SLC9A8: variants seen among roughly 807,000 people sequenced by gnomAD.
SLC9A8 encodes the protein solute carrier family 9 member A8.
Under a neutral mutation model 66.6 loss-of-function variants are expected in SLC9A8, and 48 were observed. That is an observed-to-expected ratio of 0.72 (90% CI 0.57 to 0.92). SLC9A8 has a LOEUF of 0.92. Ranked by LOEUF, SLC9A8 falls within the 40% of genes least tolerant of loss-of-function variation. SLC9A8 has a pLI of 0.00. For missense variants in SLC9A8, 599 were observed against 747.3 expected (o/e 0.80, Z 2.31); for synonymous variants, 274 against 282.6 (o/e 0.97, Z 0.31).
intron 3 of SLC9A8, among the ~76,000 whole-genome samples, chr20:49,832,996 C>T (rs2087273998): frequency 6.6e-6 from 1 of 152,072 alleles, no homozygotes; most frequent in Non-Finnish European, 1.5e-5. Context: ...ACCTTCCCCT[C>T]CCGGGTCCAA....
intron 4 of SLC9A8, among the ~76,000 whole-genome samples, chr20:49,844,348 A>G (rs988829489): frequency 6.6e-6 from 1 of 152,142 alleles, no homozygotes; most frequent in Non-Finnish European, 1.5e-5. Context: ...TTTTTCCTGG[A>G]GGATTCCAAT....
In SLC9A8 at chr20:49,843,007, C is replaced by T. The variant is rs186348687; in HGVS notation, c.349-2029C>T. On this transcript the variant is annotated intron_variant, in intron 4 of 15. Transcript: ENST00000361573. ...GTGCCTTGTTCTGTCTCTTACAAGTCGATGTTTGCTGCCTTTGGCCTTCCC... is the reference window on the plus strand; with the variant it reads ...GTGCCTTGTTCTGTCTCTTACAAGTTGATGTTTGCTGCCTTTGGCCTTCCC... Among the ~76,000 whole-genome samples the T allele has an allele frequency of 3.7e-3, 562 of 152,222 alleles. 1 individual carries two copies. The highest frequency in any genetic ancestry group is 6.9e-3 in the Non-Finnish European group (470 of 68,014).
chr20:49,827,575 G>T (rs1431713097), intron 3 of SLC9A8, among the ~76,000 whole-genome samples: 1 of 149,382 alleles, frequency 6.7e-6, no homozygotes, highest in African/African-American at 2.5e-5. Flanking sequence ...CTGCATTCCA[G>T]CCTGGGCAAC....
At chr20:49,866,133 G>C (rs6020091) in intron 10 of SLC9A8, among the ~76,000 whole-genome samples, 65,375 of 152,052 alleles carry the variant, frequency 0.43, 14,944 homozygotes, top group African/African-American at 0.58. Flanking sequence ...TGCCTGTCCT[G>C]AGCCCTGGCA....
intron 10 of SLC9A8, among the ~76,000 whole-genome samples, chr20:49,869,298 C>T (rs1015221741): frequency 2.0e-5 from 3 of 152,140 alleles, no homozygotes; most frequent in East Asian, 1.9e-4. Flanking sequence ...CGGCTCACTG[C>T]GACCTCTGCC....
In SLC9A8 at chr20:49,873,866, C is replaced by T. The variant is rs138842483; in HGVS notation, c.959-839C>T. Among the ~76,000 whole-genome samples, 19 of 151,916 alleles carry T rather than the reference C, an allele frequency of 1.3e-4. No individual in the cohort carries two copies. The East Asian group carries it at 3.7e-3, about 29-fold the overall frequency. ...CCCCCAGAGTGGTTTGCTTGCCACC[C>T]TTATATAGTCATCCCTCAGCATCTG... On this transcript the variant is annotated intron_variant, in intron 10 of 15. Coordinates refer to ENST00000361573, the MANE Select transcript of SLC9A8 (RefSeq NM_015266.3).
Position 49,815,171 on chromosome 20 carries a change from T to G in SLC9A8, c.190T>G (p.Phe64Val). 6.4e-7 allele frequency: 1 copy of G among 1,565,368 alleles called. No homozygotes were observed. The highest frequency in any genetic ancestry group is 8.7e-7 in the Non-Finnish European group (1 of 1,153,906). The change falls in exon 2 of 16, where the codon TTC (phenylalanine) becomes GTC (valine). Residue 64 changes from phenylalanine (F) to valine (V), a missense_variant. By Grantham distance (50) the Phe-to-Val change is conservative. Coordinates refer to ENST00000361573, the MANE Select transcript of SLC9A8 (RefSeq NM_015266.3). ...GCAGTCCAGCGGCATGACCATTTTC[T>G]TCAGCCTCCTTGTCCTAGGTGAATA... is the stretch of plus-strand genomic sequence containing the variant. ...EEQSSGMTIF[F>V]SLLVLAICII...
chr20:49,826,077 G>C (rs1022232353), intron 3 of SLC9A8, among the ~76,000 whole-genome samples: 6 of 152,196 alleles, frequency 3.9e-5, no homozygotes, highest in African/African-American at 1.4e-4. Context: ...GCTAGGTCTT[G>C]GGAGAAGTGA....
At chr20:49,875,933 G>A (rs914014422) in intron 11 of SLC9A8, among the ~76,000 whole-genome samples, 1 of 152,088 alleles carries the variant, frequency 6.6e-6, no homozygotes, top group South Asian at 2.1e-4. Flanking sequence ...TAGAGACAGG[G>A]TTTCACCGTG....
At chr20:49,882,372 T>C (rs1373452736) in intron 13 of SLC9A8, among the ~76,000 whole-genome samples, 1 of 152,200 alleles carries the variant, frequency 6.6e-6, no homozygotes, top group Non-Finnish European at 1.5e-5. Context: ...TGCCCCTACC[T>C]TCTGGCGAGG....
rs542182143 is a variant in SLC9A8 at position 49,889,878 on chromosome 20, G to A, written c.*1942G>A. 1.3e-5 allele frequency: 2 copies of A among 152,304 alleles called. No individual in the cohort carries two copies. Among genetic ancestry groups the A allele is most frequent in the East Asian group, 3.9e-4 (2 of 5,188 alleles). The allele number at this position is 152,304 out of a possible 1,614,324, so 9.4% of individuals were successfully genotyped here. A position where few individuals can be genotyped will look rare whatever the true frequency, so the allele number is the denominator to read the frequency against. The stretch of plus-strand genomic sequence containing the variant: ...GTAAGTTGTTTTGCAAACTCAGTTT[G>A]CCAGGATTTCTTTCTTTCCTAATCT... On this transcript the variant is annotated 3_prime_UTR_variant, in exon 16 of 16. Coordinates refer to ENST00000361573, the MANE Select transcript of SLC9A8 (RefSeq NM_015266.3).
Position 49,825,082 on chromosome 20 carries a change from G to A in SLC9A8, c.289+1941G>A, listed in dbSNP as rs375233355. Among the ~76,000 whole-genome samples, 4 of 152,180 alleles carry A rather than the reference G, an allele frequency of 2.6e-5. No homozygotes were observed. The East Asian group carries it at 7.7e-4, about 29-fold the overall frequency. ...GACAAAAGCCAGAATGCTAAGGATT[G>A]CCGAGGGGACAGATGGGAATCCCAG... is the stretch of plus-strand genomic sequence containing the variant. On this transcript the variant is annotated intron_variant, in intron 3 of 15. Coordinates refer to ENST00000361573, the MANE Select transcript of SLC9A8 (RefSeq NM_015266.3).
At chr20:49,817,283 C>T (rs1017342234) in intron 2 of SLC9A8, among the ~76,000 whole-genome samples, 3 of 151,914 alleles carry the variant, frequency 2.0e-5, no homozygotes, top group African/African-American at 7.3e-5. Flanking sequence ...CGCCACTGCA[C>T]TCCAGCCTGA....
chr20:49,880,915 T>A lies in SLC9A8; in HGVS notation c.1159-9T>A. The A allele has an allele frequency of 3.8e-6, 6 of 1,587,394 alleles. No homozygotes were observed. Among genetic ancestry groups the A allele is most frequent in the Non-Finnish European group, 5.2e-6 (6 of 1,156,010 alleles). Reference sequence around the variant, plus strand: ...TTTCACCTAAGACTTAGTTTGTTGCTATCAACAGGTGCTTGTACTATTTGG... The same window carrying A: ...TTTCACCTAAGACTTAGTTTGTTGCAATCAACAGGTGCTTGTACTATTTGG... On this transcript the variant is annotated splice_polypyrimidine_tract_variant and intron_variant, in intron 12 of 15. Transcript: ENST00000361573.
intron 2 of SLC9A8, among the ~76,000 whole-genome samples, chr20:49,819,690 A>G (rs1254891423): frequency 1.3e-5 from 2 of 152,194 alleles, no homozygotes; most frequent in Non-Finnish European, 2.9e-5. Flanking sequence ...CATTAAAAGC[A>G]GTCATTCCCC....
At chr20:49,830,513 G>A (rs934774686) in intron 3 of SLC9A8, 64 of 723,924 alleles carry the variant, frequency 8.8e-5, no homozygotes, top group Non-Finnish European at 1.4e-4. Flanking sequence ...TGTCAACGGT[G>A]GACGCTGACA....
intron 14 of SLC9A8, among the ~76,000 whole-genome samples, chr20:49,884,859 T>G (rs1220990374): frequency 1.3e-5 from 2 of 152,238 alleles, no homozygotes; most frequent in Non-Finnish European, 2.9e-5. Context: ...CTAGGCCCTC[T>G]GACCGAAGCA....
At chr20:49,885,818 G>C (rs1414873352) in intron 14 of SLC9A8, among the ~76,000 whole-genome samples, 1 of 152,182 alleles carries the variant, frequency 6.6e-6, no homozygotes, top group Non-Finnish European at 1.5e-5. Context: ...TGTGGGCACA[G>C]ACTCCCGAGC....
intron 2 of SLC9A8, among the ~76,000 whole-genome samples, chr20:49,817,428 T>G (rs1367192409): frequency 1.3e-5 from 2 of 151,860 alleles, no homozygotes; most frequent in Non-Finnish European, 2.9e-5. Context: ...AGATTAGGTC[T>G]TTTCAGAAAG....
Sources: allele counts gnomAD v4.1 joint callset (sites outside exome capture counted in the v4.1 genomes callset), GRCh38; gene constraint gnomAD v4.1.1; transcripts MANE v1.5; gene names NCBI Gene and HGNC (gene_info 2026-07-23, HGNC 2026-07-21).